The following RNF145 variants were observed in gnomAD, a reference collection of about 807,000 sequenced individuals.
RNF145 encodes ring finger protein 145.
A neutral mutation model predicts 57.3 loss-of-function variants in RNF145; 12 were observed. The observed-to-expected ratio is 0.21, with a 90% CI of 0.13 to 0.34. The LOEUF is 0.34. Ranked by LOEUF, RNF145 falls within the 10% of genes least tolerant of loss-of-function variation. The pLI is 1.00. For missense variants in RNF145, 429 were observed against 799.0 expected, an observed-to-expected ratio of 0.54 and a Z score of 5.58; for synonymous variants, 262 against 288.3, an observed-to-expected ratio of 0.91 and a Z score of 0.92.
chr5:159,201,756 T>A (rs978169845), intron 2 of RNF145, among the ~76,000 whole-genome samples: 1 of 152,154 alleles, frequency 6.6e-6, no homozygotes, highest in Non-Finnish European at 1.5e-5. Context: ...CATAAAAATA[T>A]CTCTAGAATT....
At chr5:159,176,981 T>TA in intron 4 of RNF145, 114 bp from the exon 5 acceptor site, 4 of 604,646 alleles carry the variant, frequency 6.6e-6, no homozygotes, top group Non-Finnish European at 1.2e-5. Flanking sequence ...GAAGTCTAAC[T>TA]AAAATCTCGT....
rs1784436042 is a variant in RNF145, at chr5:159,167,858, A to G, written c.1121+1015T>C. Among the ~76,000 whole-genome samples, 3 of 152,314 alleles carry G rather than the reference A, an allele frequency of 2.0e-5. No individual in the cohort carries two copies. The South Asian group carries it at 6.2e-4, about 32-fold the overall frequency. ...TGGCAATGTGTGTTATGGGGATACA[A>G]AGATGAATCTGATGTACTATAATTA... On this transcript the variant is annotated intron_variant, in intron 8 of 10. Transcript: ENST00000424310.
chr5:159,201,815 G>A (rs954909945), intron 2 of RNF145, among the ~76,000 whole-genome samples: 4 of 152,174 alleles, frequency 2.6e-5, no homozygotes, highest in East Asian at 1.9e-4. Context: ...AGAACTCAGC[G>A]AATGAGTAAC....
chr5:159,188,924 T>C (rs964696426), intron 3 of RNF145, among the ~76,000 whole-genome samples: 1 of 152,192 alleles, frequency 6.6e-6, no homozygotes, highest in Non-Finnish European at 1.5e-5. Context: ...TAAGCTAGTT[T>C]TTAATTTTTT....
intron 2 of RNF145, among the ~76,000 whole-genome samples, chr5:159,195,977 CTT>C (rs1785446775): frequency 1.3e-5 from 2 of 152,322 alleles, no homozygotes; most frequent in South Asian, 4.1e-4. Context: ...TCTTTTCTCT[CTT>C]ATCGTCAAGT....
At chr5:159,159,175 T>C (rs1784134997) in intron 10 of RNF145, 140 bp from the exon 11 acceptor site, 1 of 725,622 alleles carries the variant, frequency 1.4e-6, no homozygotes, top group African/African-American at 1.8e-5. Flanking sequence ...ACTTACTTTA[T>C]ATATCAGTAA....
chr5:159,209,251 C>G lies in RNF145; in HGVS notation c.-60G>C. 1.0e-6 allele frequency: 1 copy of G among 985,266 alleles called. No homozygotes were observed. The highest frequency in any genetic ancestry group is 1.2e-6 in the Non-Finnish European group (1 of 829,808). 61.0% of individuals were successfully genotyped at this position (985,266 alleles called of 1,614,324 possible). ...GTCACCTCAGGCTGCGGACTCCCTCCCTGGGGAGCGGCGCTGCCGGCGGGC... is the reference window on the plus strand; with the variant it reads ...GTCACCTCAGGCTGCGGACTCCCTCGCTGGGGAGCGGCGCTGCCGGCGGGC... On this transcript the variant is annotated 5_prime_UTR_variant, in exon 1 of 11. Transcript: ENST00000424310.
intron 4 of RNF145, among the ~76,000 whole-genome samples, chr5:159,181,296 G>C (rs1469883423): frequency 6.6e-6 from 1 of 151,976 alleles, no homozygotes; most frequent in African/African-American, 2.4e-5. Flanking sequence ...CTAGTGTAAA[G>C]GGCTGGGGAA....
intron 6 of RNF145, among the ~76,000 whole-genome samples, chr5:159,173,675 T>A (rs563767592): frequency 6.6e-6 from 1 of 152,358 alleles, no homozygotes; most frequent in East Asian, 1.9e-4. Flanking sequence ...TTTTATAATA[T>A]ACTTTTTTCT....
At chr5:159,181,825 G>T in intron 4 of RNF145, 135 bp downstream of exon 4, 1 of 554,728 alleles carries the variant, frequency 1.8e-6, no homozygotes, top group Non-Finnish European at 3.3e-6. Flanking sequence ...ACCAAACAAT[G>T]GGTATATGTG....
At chr5:159,193,196 T>C (rs902335946) in intron 3 of RNF145, among the ~76,000 whole-genome samples, 6 of 152,244 alleles carry the variant, frequency 3.9e-5, no homozygotes, top group African/African-American at 1.4e-4. Flanking sequence ...GGAATGTCAC[T>C]GTCTCCATTC....
chr5:159,187,599 C>G (rs10072037), intron 3 of RNF145, among the ~76,000 whole-genome samples: 14 of 152,088 alleles, frequency 9.2e-5, no homozygotes, highest in Non-Finnish European at 1.5e-5. Flanking sequence ...AGTGCTGGGA[C>G]TACAGGCGTG....
chr5:159,195,711 A>G (rs1311239358), intron 2 of RNF145, among the ~76,000 whole-genome samples: 2 of 152,152 alleles, frequency 1.3e-5, no homozygotes, highest in Non-Finnish European at 2.9e-5. Flanking sequence ...GTTTTTCTCT[A>G]TATATAAAGT....
chr5:159,182,080 A>G (rs1192481551), intron 3 of RNF145, 29 bp from the exon 4 acceptor site: 1 of 1,263,586 alleles, frequency 7.9e-7, no homozygotes, highest in South Asian at 1.2e-5. Flanking sequence ...TAGAATGTAT[A>G]TATTAGATAC....
chr5:159,164,281 CTT>C (rs1784324697), intron 8 of RNF145, among the ~76,000 whole-genome samples: 2 of 152,112 alleles, frequency 1.3e-5, no homozygotes, highest in East Asian at 3.9e-4. Flanking sequence ...CAAATGTAAA[CTT>C]GTCAGTAGCT....
At chr5:159,176,579 T>C in intron 5 of RNF145, 53 bp downstream of exon 5, 2 of 1,044,612 alleles carry the variant, frequency 1.9e-6, no homozygotes, top group South Asian at 2.9e-5. Flanking sequence ...TTTAATGTAC[T>C]TAACATTTAT....
chr5:159,209,378 G>A lies in RNF145; in HGVS notation c.-187C>T, dbSNP rs1391097717. ...CTCACAGCGGCGGCTCTTCTGCGCC[G>A]AGCCTCGGATGTTGCTTCTGGGGAG... On this transcript the variant is annotated 5_prime_UTR_variant, in exon 1 of 11. Coordinates refer to ENST00000424310, the MANE Select transcript of RNF145 (RefSeq NM_001199383.2). The A allele has an allele frequency of 2.0e-6, 2 of 985,828 alleles. No homozygotes were observed. Among genetic ancestry groups the A allele is most frequent in the South Asian group, 4.6e-5 (1 of 21,970 alleles). 61.1% of individuals were successfully genotyped at this position (985,828 alleles called of 1,614,324 possible). A position where few individuals can be genotyped will look rare whatever the true frequency, so the allele number is the denominator to read the frequency against.
At chr5:159,186,062 A>C (rs906331650) in intron 3 of RNF145, among the ~76,000 whole-genome samples, 2 of 152,130 alleles carry the variant, frequency 1.3e-5, no homozygotes, top group Non-Finnish European at 2.9e-5. Flanking sequence ...CGACTCTACA[A>C]AACAAAAAAT....
In RNF145 at chr5:159,170,845, C is replaced by A. The variant is rs79501753; in HGVS notation, c.798-1026G>T. On this transcript the variant is annotated intron_variant, in intron 6 of 10. Transcript: ENST00000424310. ...GCCTCAAGCGATCCTCCCACCTCGG[C>A]CTCCCAACGTATTGGGATTACAGGC... Among the ~76,000 whole-genome samples the A allele has an allele frequency of 3.9e-5, 6 of 152,346 alleles. No homozygotes were observed. The East Asian group carries it at 1.2e-3, about 29-fold the overall frequency.
Sources: gnomAD v4.1 joint callset for allele counts (sites outside exome capture counted in the v4.1 genomes callset) on GRCh38, gnomAD v4.1.1 for gene constraint, MANE v1.5 for transcripts, NCBI Gene and HGNC (gene_info 2026-07-23, HGNC 2026-07-21) for gene names.